The following P4HA1 variants were observed in gnomAD, a reference collection of about 807,000 sequenced individuals.
P4HA1 encodes the protein prolyl 4-hydroxylase subunit alpha-1.
Under a neutral mutation model 72.8 loss-of-function variants are expected in P4HA1, and 24 were observed. The observed-to-expected ratio is 0.33, with a 90% CI of 0.24 to 0.46. P4HA1 has a LOEUF of 0.46. Ranked by LOEUF, P4HA1 falls within the 20% of genes least tolerant of loss-of-function variation. The pLI, the probability that P4HA1 is intolerant of heterozygous loss-of-function variation, is 1.00. For missense variants in P4HA1, 446 were observed against 640.6 expected (o/e 0.70, Z 3.28); for synonymous variants, 201 against 218.8 (o/e 0.92, Z 0.72).
chr10:73,093,121 TAAAA>T (rs200388165), intron 1 of P4HA1, among the ~76,000 whole-genome samples: 2 of 135,366 alleles, frequency 1.5e-5, no homozygotes, highest in Admixed American at 7.5e-5. Context: ...TCCTATCTCT[TAAAA>T]AAAAAAAAAA....
intron 5 of P4HA1, among the ~76,000 whole-genome samples, chr10:73,055,702 A>C (rs1388713173): frequency 6.6e-6 from 1 of 152,246 alleles, no homozygotes; most frequent in East Asian, 1.9e-4. Flanking sequence ...AGTTCACATG[A>C]GATAAAATAT....
intron 12 of P4HA1, among the ~76,000 whole-genome samples, chr10:73,012,290 A>C (rs1212965393): frequency 6.6e-6 from 1 of 152,178 alleles, no homozygotes; most frequent in Non-Finnish European, 1.5e-5. Context: ...AAGCCACAAT[A>C]ACTGCTAATT....
At chr10:73,041,361 G>C (rs112849861) in intron 9 of P4HA1, among the ~76,000 whole-genome samples, 11 of 151,890 alleles carry the variant, frequency 7.2e-5, no homozygotes, top group Non-Finnish European at 1.3e-4. Flanking sequence ...TGGCTAACAC[G>C]GTGAAACCCA....
intron 1 of P4HA1, among the ~76,000 whole-genome samples, chr10:73,091,565 A>C (rs76269888): frequency 0.051 from 7,766 of 152,288 alleles, 616 homozygotes; most frequent in African/African-American, 0.17. Context: ...AGCCTACTTA[A>C]AATCAGTTAA....
chr10:73,021,979 A>G (rs1490498611), intron 10 of P4HA1, among the ~76,000 whole-genome samples: 1 of 152,110 alleles, frequency 6.6e-6, no homozygotes, highest in Non-Finnish European at 1.5e-5. Context: ...GGTAAACAAA[A>G]TGGCCAGAAA....
intron 14 of P4HA1, among the ~76,000 whole-genome samples, chr10:73,009,375 G>A (rs900545330): frequency 9.2e-5 from 14 of 152,108 alleles, no homozygotes; most frequent in Non-Finnish European, 2.1e-4. Context: ...TTAGAACCTG[G>A]TATCTAACAT....
At chr10:73,056,276 A>G (rs1355393933) in intron 5 of P4HA1, among the ~76,000 whole-genome samples, 1 of 152,194 alleles carries the variant, frequency 6.6e-6, no homozygotes, top group Non-Finnish European at 1.5e-5. Context: ...TTCATTAAGA[A>G]AGATAATTTC....
intron 5 of P4HA1, among the ~76,000 whole-genome samples, chr10:73,068,062 A>G (rs1841469191): frequency 6.6e-6 from 1 of 152,216 alleles, no homozygotes; most frequent in African/African-American, 2.4e-5. Flanking sequence ...AAATTTGTAC[A>G]TTTTTGGAAG....
At chr10:73,015,097 C>T (rs2133036516) in intron 11 of P4HA1, among the ~76,000 whole-genome samples, 1 of 152,178 alleles carries the variant, frequency 6.6e-6, no homozygotes, top group East Asian at 1.9e-4. Context: ...TCCCAAAGTG[C>T]TGGGATTACA....
chr10:73,079,743 A>AAGAT (rs1049762664), intron 1 of P4HA1, among the ~76,000 whole-genome samples: 7 of 152,126 alleles, frequency 4.6e-5, no homozygotes, highest in African/African-American at 1.7e-4. Flanking sequence ...ACTTTGTCTC[A>AAGAT]AAATAAATAA....
chr10:73,092,520 A>G (rs1055477010), intron 1 of P4HA1, among the ~76,000 whole-genome samples: 9 of 146,506 alleles, frequency 6.1e-5, no homozygotes, highest in African/African-American at 2.3e-4. Flanking sequence ...CCCCTTAATT[A>G]AAAAAAAATT....
intron 12 of P4HA1, 36 bp downstream of exon 12, chr10:73,014,188 T>C (rs777267741): frequency 5.1e-6 from 7 of 1,363,958 alleles, no homozygotes; most frequent in Non-Finnish European, 7.3e-6. Context: ...TGTCATCAAA[T>C]CCCAACTTAA....
intron 4 of P4HA1, 105 bp downstream of exon 4, chr10:73,071,924 A>T: frequency 2.4e-6 from 2 of 817,082 alleles, no homozygotes; most frequent in African/African-American, 1.7e-5. Flanking sequence ...ATCCAGTTAC[A>T]ACACTGAACT....
chr10:73,069,263 G>A (rs75922692), intron 4 of P4HA1, among the ~76,000 whole-genome samples: 6,132 of 152,176 alleles, frequency 0.04, 346 homozygotes, highest in African/African-American at 0.12. Context: ...TAATAGTTAT[G>A]AGTTTTTAGT....
intron 2 of P4HA1, 98 bp downstream of exon 2, chr10:73,074,710 A>G (rs6480665): frequency 0.12 from 82,175 of 703,292 alleles, 8,093 homozygotes; most frequent in African/African-American, 0.34. Flanking sequence ...CCTATACTCT[A>G]GGAATACACT....
chr10:73,058,918 C>T (rs1221841845), intron 5 of P4HA1, among the ~76,000 whole-genome samples: 1 of 151,768 alleles, frequency 6.6e-6, no homozygotes, highest in Non-Finnish European at 1.5e-5. Context: ...GCTGGGATTA[C>T]AGGTGCCCAC....
At chr10:73,058,544 C>T (rs575166650) in intron 5 of P4HA1, among the ~76,000 whole-genome samples, 4 of 152,240 alleles carry the variant, frequency 2.6e-5, no homozygotes, top group African/African-American at 9.6e-5. Context: ...TGGGGACTAA[C>T]GGTGCAGAGA....
chr10:73,035,205 A>G (rs1840541028), intron 9 of P4HA1, among the ~76,000 whole-genome samples: 1 of 151,680 alleles, frequency 6.6e-6, no homozygotes, highest in Non-Finnish European at 1.5e-5. Flanking sequence ...TTATATTCCC[A>G]TCCCTCACTG....
intron 9 of P4HA1, among the ~76,000 whole-genome samples, chr10:73,037,591 A>T (rs1840628818): frequency 3.0e-5 from 2 of 67,336 alleles, no homozygotes; most frequent in African/African-American, 1.1e-4. Flanking sequence ...TTTTTTTTTT[A>T]CAAAGGCAAA....
Sources: allele counts gnomAD v4.1 joint callset (sites outside exome capture counted in the v4.1 genomes callset), GRCh38; gene constraint gnomAD v4.1.1; transcripts MANE v1.5; gene names NCBI Gene and HGNC (gene_info 2026-07-23, HGNC 2026-07-21).